The following FLRT2 variants were observed in gnomAD, a reference collection of about 807,000 sequenced individuals.
FLRT2 encodes fibronectin leucine rich transmembrane protein 2, also known as leucine-rich repeat transmembrane protein FLRT2.
FLRT2 carries 15 observed loss-of-function variants against 40.0 expected under a neutral mutation model. The observed-to-expected ratio is 0.38, with a 90% CI of 0.25 to 0.58. The LOEUF is 0.58. Among genes scored for constraint, FLRT2 ranks in the 20% least tolerant of loss-of-function variants. The pLI, the probability that FLRT2 is intolerant of heterozygous loss-of-function variation, is 0.71. For synonymous variants in FLRT2, 380 were observed against 336.8 expected (o/e 1.13, Z -1.41); for missense variants, 726 against 840.0 (o/e 0.86, Z 1.68).
intron 1 of FLRT2, among the ~76,000 whole-genome samples, chr14:85,566,574 T>TGTGTGC (rs945061430): frequency 1.3e-5 from 2 of 151,878 alleles, no homozygotes; most frequent in African/African-American, 4.8e-5. Flanking sequence ...TGTGTGTGTG[T>TGTGTGC]GTGCAAGATA....
At chr14:85,543,002 G>A (rs1296863395) in intron 1 of FLRT2, among the ~76,000 whole-genome samples, 1 of 152,184 alleles carries the variant, frequency 6.6e-6, no homozygotes, top group Non-Finnish European at 1.5e-5. Flanking sequence ...CGAAGGAGCT[G>A]GTTAGAAATA....
intron 1 of FLRT2, among the ~76,000 whole-genome samples, chr14:85,612,839 C>A (rs1461109266): frequency 6.6e-6 from 1 of 152,148 alleles, no homozygotes; most frequent in Non-Finnish European, 1.5e-5. Flanking sequence ...CCAGATAACT[C>A]ACCTGGAAAT....
At chr14:85,584,416 T>G (rs568309897) in intron 1 of FLRT2, among the ~76,000 whole-genome samples, 7 of 152,222 alleles carry the variant, frequency 4.6e-5, no homozygotes, top group Non-Finnish European at 8.8e-5. Flanking sequence ...GCCTTTCTTA[T>G]GCTGTGTCTT....
rs1894353622 is a variant in FLRT2, at chr14:85,648,205, A to C, written c.*24708A>C. 6.6e-6 allele frequency: 1 copy of C among 152,120 alleles called. No homozygotes were observed. The highest frequency in any genetic ancestry group is 2.1e-4 in the South Asian group (1 of 4,820). The allele number at this position is 152,120 out of a possible 1,614,324, so 9.4% of individuals were successfully genotyped here. The stretch of plus-strand genomic sequence containing the variant: ...TAGTTACTGTATGTTAGGCAGGTGC[A>C]TGTTGTTATTGCTACTTTTTTCAAG... On this transcript the variant is annotated 3_prime_UTR_variant, in exon 2 of 2. Transcript: ENST00000330753.
At chr14:85,560,807 G>A (rs1284895737) in intron 1 of FLRT2, 2 of 150,904 alleles carry the variant, frequency 1.3e-5, no homozygotes, top group Admixed American at 1.3e-4. Flanking sequence ...TAGGGTCTCA[G>A]TGATGCTGGT....
At chr14:85,562,166 GA>G (rs1158760554) in intron 1 of FLRT2, among the ~76,000 whole-genome samples, 1 of 152,214 alleles carries the variant, frequency 6.6e-6, no homozygotes, top group Non-Finnish European at 1.5e-5. Context: ...AGGCATCTGA[GA>G]AAGTAAGTAA....
At position 85,635,729 on chromosome 14, in the gene FLRT2, G is replaced by A. The variant is rs1002443693; in HGVS notation, c.*12232G>A. On this transcript the variant is annotated 3_prime_UTR_variant, in exon 2 of 2. Transcript: ENST00000330753. Reference sequence around the variant, plus strand: ...ACAATTATGGTTTAAAAAAAAGAAAGATGAAAACTTTTTAGAATAATTAGG... The same window carrying A: ...ACAATTATGGTTTAAAAAAAAGAAAAATGAAAACTTTTTAGAATAATTAGG... 6.6e-5 allele frequency: 10 copies of A among 151,980 alleles called. No individual in the cohort carries two copies. The highest frequency in any genetic ancestry group is 1.7e-4 in the African/African-American group (7 of 41,424). The allele number at this position is 151,980 out of a possible 1,614,324, so 9.4% of individuals were successfully genotyped here.
Position 85,621,981 on chromosome 14 carries a change from G to A in FLRT2, c.467G>A (p.Arg156Gln), listed in dbSNP as rs750040176. The change falls in exon 2 of 2, where the codon CGG (arginine) becomes CAG (glutamine). Residue 156 changes from arginine to glutamine, a missense_variant. Coordinates refer to ENST00000330753, the MANE Select transcript of FLRT2 (RefSeq NM_013231.6). Reference sequence around the variant, plus strand: ...GTGGGGGTGGAAGACGGGGCCTTCCGGGAGGCTATTAGCCTCAAATTGTTG... The same window carrying A: ...GTGGGGGTGGAAGACGGGGCCTTCCAGGAGGCTATTAGCCTCAAATTGTTG... ...STVGVEDGAF[R>Q]EAISLKLLFL... is the part of the protein sequence containing the mutation. 18 of 1,601,358 alleles carry A rather than the reference G, an allele frequency of 1.1e-5. No individual in the cohort carries two copies. Among genetic ancestry groups the A allele is most frequent in the Non-Finnish European group, 1.4e-5 (16 of 1,173,720 alleles).
At chr14:85,562,052 G>A (rs763527864) in intron 1 of FLRT2, among the ~76,000 whole-genome samples, 20 of 152,122 alleles carry the variant, frequency 1.3e-4, no homozygotes, top group Non-Finnish European at 2.8e-4. Flanking sequence ...ATAAGTTGAA[G>A]ACTCTTTCCC....
At position 85,594,672 on chromosome 14, in the gene FLRT2, C is replaced by T. The variant is rs557569914; in HGVS notation, c.-376-26467C>T. 4.6e-5 allele frequency among the ~76,000 whole-genome samples: 7 copies of T among 152,198 alleles called. No homozygotes were observed. The South Asian group carries it at 6.2e-4, about 14-fold the overall frequency. On this transcript the variant is annotated intron_variant, in intron 1 of 1. Transcript: ENST00000330753. ...GTTTTGGTACTTTTGAATCTAAACC[C>T]GTCTCCTATTCAATTTTCCTATAAT...
chr14:85,549,131 C>T (rs547343558), intron 1 of FLRT2, among the ~76,000 whole-genome samples: 2 of 152,186 alleles, frequency 1.3e-5, no homozygotes, highest in African/African-American at 4.8e-5. Context: ...TCTGGGTTTA[C>T]CATCTTCAAT....
At position 85,649,473 on chromosome 14, in the gene FLRT2, G is replaced by C. The variant is rs778706486; in HGVS notation, c.*25976G>C. On this transcript the variant is annotated 3_prime_UTR_variant, in exon 2 of 2. Coordinates refer to ENST00000330753, the MANE Select transcript of FLRT2 (RefSeq NM_013231.6). Reference sequence around the variant, plus strand: ...TTAATTCAAAATTGTTCAGTGTTTTGTCAGATGAACTCCTTAACCACATTT... The same window carrying C: ...TTAATTCAAAATTGTTCAGTGTTTTCTCAGATGAACTCCTTAACCACATTT... The C allele has an allele frequency of 2.6e-5, 4 of 152,068 alleles. No individual in the cohort carries two copies. Among genetic ancestry groups the C allele is most frequent in the Admixed American group, 1.3e-4 (2 of 15,248 alleles). 9.4% of individuals were successfully genotyped at this position (152,068 alleles called of 1,614,324 possible). A position where few individuals can be genotyped will look rare whatever the true frequency, so the allele number is the denominator to read the frequency against.
intron 1 of FLRT2, among the ~76,000 whole-genome samples, chr14:85,538,655 A>G (rs985071238): frequency 8.5e-5 from 13 of 152,144 alleles, no homozygotes; most frequent in Non-Finnish European, 1.5e-4. Context: ...ACCCACTGAA[A>G]AAATATCAGG....
At chr14:85,534,559 CGT>C (rs752065225) in intron 1 of FLRT2, among the ~76,000 whole-genome samples, 5 of 151,842 alleles carry the variant, frequency 3.3e-5, no homozygotes, top group Non-Finnish European at 7.4e-5. Context: ...TGAGGTGAAA[CGT>C]GTTAGCTATT....
chr14:85,537,187 G>T (rs1207351266), intron 1 of FLRT2, among the ~76,000 whole-genome samples: 1 of 152,136 alleles, frequency 6.6e-6, no homozygotes, highest in Non-Finnish European at 1.5e-5. Context: ...ATCCAGGTTT[G>T]TCTTGTGAGG....
intron 1 of FLRT2, among the ~76,000 whole-genome samples, chr14:85,594,228 A>G (rs1892032000): frequency 6.6e-6 from 1 of 152,200 alleles, no homozygotes; most frequent in Non-Finnish European, 1.5e-5. Flanking sequence ...CACTAAGCAT[A>G]TAATATTTAA....
intron 1 of FLRT2, among the ~76,000 whole-genome samples, chr14:85,619,713 A>G (rs560346962): frequency 9.2e-4 from 140 of 152,334 alleles, no homozygotes; most frequent in Non-Finnish European, 1.7e-3. Flanking sequence ...GTGAGAATTA[A>G]GAGACTTGCA....
At chr14:85,539,805 A>G (rs1243961338) in intron 1 of FLRT2, among the ~76,000 whole-genome samples, 1 of 151,882 alleles carries the variant, frequency 6.6e-6, no homozygotes, top group Non-Finnish European at 1.5e-5. Flanking sequence ...TAGGTTTTAT[A>G]TAAATAAAAT....
intron 1 of FLRT2, among the ~76,000 whole-genome samples, chr14:85,563,747 A>G (rs1394630013): frequency 6.6e-6 from 1 of 152,202 alleles, no homozygotes; most frequent in Non-Finnish European, 1.5e-5. Context: ...GACTTGGCTC[A>G]GATCTCTTAC....
Sources: gnomAD v4.1 joint callset for allele counts (sites outside exome capture counted in the v4.1 genomes callset) on GRCh38, gnomAD v4.1.1 for gene constraint, MANE v1.5 for transcripts, NCBI Gene and HGNC (gene_info 2026-07-23, HGNC 2026-07-21) for gene names.